TFAP4: variants seen among roughly 807,000 people sequenced by gnomAD.
TFAP4 encodes activating enhancer-binding protein 4.
A neutral mutation model predicts 40.4 loss-of-function variants in TFAP4; 7 were observed. The observed-to-expected ratio is 0.17, with a 90% confidence interval of 0.10 to 0.33. The LOEUF (loss-of-function observed/expected upper bound fraction) is 0.33. TFAP4 is among the 10% of genes least tolerant of loss of function. The pLI is 1.00. For synonymous variants in TFAP4, 218 were observed against 181.4 expected, an observed-to-expected ratio of 1.20 and a Z score of -1.62; for missense variants, 374 against 451.1, an observed-to-expected ratio of 0.83 and a Z score of 1.55.
intron 1 of TFAP4, among the ~76,000 whole-genome samples, chr16:4,268,330 C>T (rs1395493257): frequency 1.3e-5 from 2 of 152,046 alleles, no homozygotes; most frequent in Non-Finnish European, 2.9e-5. Context: ...CTCGGGAGGT[C>T]GAGGCCCAAG....
chr16:4,268,481 T>G (rs140032266), intron 1 of TFAP4, among the ~76,000 whole-genome samples: 2 of 152,192 alleles, frequency 1.3e-5, no homozygotes, highest in African/African-American at 4.8e-5. Context: ...CCCGGCAGAA[T>G]GTTGTTGCTT....
chr16:4,261,198 C>T (rs1371809493), intron 4 of TFAP4, among the ~76,000 whole-genome samples: 1 of 152,130 alleles, frequency 6.6e-6, no homozygotes, highest in Non-Finnish European at 1.5e-5. Flanking sequence ...TCTCAAACTC[C>T]TGGGCTCAAG....
intron 1 of TFAP4, among the ~76,000 whole-genome samples, chr16:4,268,809 G>C (rs1412508321): frequency 1.3e-5 from 2 of 151,974 alleles, no homozygotes; most frequent in Non-Finnish European, 2.9e-5. Flanking sequence ...GCTGAGGCTG[G>C]TCTCGAACTC....
chr16:4,265,173 C>A (rs755103638), intron 1 of TFAP4: 9 of 152,072 alleles, frequency 5.9e-5, no homozygotes, highest in Non-Finnish European at 1.2e-4. Context: ...AAGAGGGGGG[C>A]ACAGAGGTTT....
intron 1 of TFAP4, among the ~76,000 whole-genome samples, chr16:4,271,509 G>A (rs778088659): frequency 5.9e-5 from 9 of 152,244 alleles, no homozygotes; most frequent in Non-Finnish European, 1.0e-4. Context: ...CCAGCGATCA[G>A]AGTTCCAGGC....
Position 4,260,497 on chromosome 16 carries a change from G to A in TFAP4, c.624C>T (p.His208=), listed in dbSNP as rs1256500978. The A allele has an allele frequency of 3.7e-6, 6 of 1,606,584 alleles. No individual in the cohort carries two copies. Among genetic ancestry groups the A allele is most frequent in the African/African-American group, 1.3e-5 (1 of 74,702 alleles). ...QQQQEQVRLL[H]QEKLEREQQQ... is the part of the protein sequence containing the mutation. ...GCTGTTCCCGCTCCAGCTTCTCCTG[G>A]TGCAGCAGCCTCACCTGTTCCTGCT... Residue 208 remains histidine (H), a synonymous_variant, in exon 5 of 7, where the codon CAC becomes CAT. Coordinates refer to ENST00000204517, the MANE Select transcript of TFAP4 (RefSeq NM_003223.3).
chr16:4,271,948 C>T (rs1352394323), intron 1 of TFAP4, among the ~76,000 whole-genome samples: 1 of 152,146 alleles, frequency 6.6e-6, no homozygotes, highest in African/African-American at 2.4e-5. Flanking sequence ...CGCAGAGGTC[C>T]GCCTACTCCA....
rs1163573247 is a variant in TFAP4 at position 4,272,857 on chromosome 16, G to A, written c.-111C>T. 5.0e-6 allele frequency: 3 copies of A among 599,838 alleles called. No individual in the cohort carries two copies. The highest frequency in any genetic ancestry group is 4.1e-5 in the African/African-American group (2 of 49,192). 37.2% of individuals were successfully genotyped at this position (599,838 alleles called of 1,614,324 possible). The stretch of plus-strand genomic sequence containing the variant: ...CCGGACGGAGGTGCAGAATCGGCCG[G>A]TCCCAGATGCTGGCGGCGGCGGCGG... On this transcript the variant is annotated 5_prime_UTR_variant, in exon 1 of 7. Coordinates refer to ENST00000204517, the MANE Select transcript of TFAP4 (RefSeq NM_003223.3).
rs113588475 is a variant in TFAP4, at chr16:4,257,727, G to C, written c.*328C>G. 811 of 242,048 alleles carry C rather than the reference G, an allele frequency of 3.4e-3. 3 individuals are homozygous for C. The highest frequency in any genetic ancestry group is 0.017 in the African/African-American group (751 of 44,092). The allele number at this position is 242,048 out of a possible 1,614,324, so 15.0% of individuals were successfully genotyped here. A position where few individuals can be genotyped will look rare whatever the true frequency, so the allele number is the denominator to read the frequency against. On this transcript the variant is annotated 3_prime_UTR_variant, in exon 7 of 7. Coordinates refer to ENST00000204517, the MANE Select transcript of TFAP4 (RefSeq NM_003223.3). ...CCTGGGGTTTTGTTTAATTTTCCCT[G>C]TTCTTAAAAAACATATTTAAAGGAA...
intron 5 of TFAP4, 100 bp downstream of exon 5, chr16:4,260,355 G>A: frequency 1.3e-6 from 2 of 1,504,504 alleles, no homozygotes; most frequent in Non-Finnish European, 1.8e-6. Flanking sequence ...TTTATATTAA[G>A]AAGCAGAGAG....
At chr16:4,267,810 C>A (rs251740) in intron 1 of TFAP4, among the ~76,000 whole-genome samples, 35,741 of 152,224 alleles carry the variant, frequency 0.23, 4,746 homozygotes, top group East Asian at 0.62. Context: ...CTTCTCTAAC[C>A]TAATCAGCCC....
intron 1 of TFAP4, among the ~76,000 whole-genome samples, chr16:4,270,781 C>T (rs554144831): frequency 1.3e-5 from 2 of 152,326 alleles, no homozygotes; most frequent in East Asian, 3.9e-4. Context: ...CCCAACCCTG[C>T]CCAGGATCAG....
In TFAP4 at chr16:4,272,945, G is replaced by GAC; in HGVS notation, c.-200_-199insGT. On this transcript the variant is annotated 5_prime_UTR_variant, in exon 1 of 7. Coordinates refer to ENST00000204517, the MANE Select transcript of TFAP4 (RefSeq NM_003223.3). ...GAGGTCTCTCCGGCCTGCCTCCCCG[G>GAC]GCGTGTGTATGTGTGTGTGTGTGTG... The GAC allele has an allele frequency of 2.0e-6, 1 of 508,340 alleles. No individual in the cohort carries two copies. The highest frequency in any genetic ancestry group is 2.3e-5 in the African/African-American group (1 of 43,078). 31.5% of individuals were successfully genotyped at this position (508,340 alleles called of 1,614,324 possible).
At position 4,272,557 on chromosome 16, in the gene TFAP4, T is replaced by A. The variant is rs2053048140; in HGVS notation, c.89+101A>T. Reference sequence around the variant, plus strand: ...CGGCAGCTAAGAAAGGCTAGCGGGGTCGGCGGCGCGGGCCATGCGTGCGCA... The same window carrying A: ...CGGCAGCTAAGAAAGGCTAGCGGGGACGGCGGCGCGGGCCATGCGTGCGCA... On this transcript the variant is annotated intron_variant, in intron 1 of 6. Coordinates refer to ENST00000204517, the MANE Select transcript of TFAP4 (RefSeq NM_003223.3). 3 of 789,838 alleles carry A rather than the reference T, an allele frequency of 3.8e-6. No individual in the cohort carries two copies. The South Asian group carries it at 8.1e-5, about 21-fold the overall frequency. The allele number at this position is 789,838 out of a possible 1,614,324, so 48.9% of individuals were successfully genotyped here.
chr16:4,257,987 A>C lies in TFAP4; in HGVS notation c.*68T>G. On this transcript the variant is annotated 3_prime_UTR_variant, in exon 7 of 7. Transcript: ENST00000204517. ...GTAAAAATTTCTCACTCATTCGCCC[A>C]TGTCTCTCCCTGTGGCTGCCCCGGC... 1 of 1,480,228 alleles carries C rather than the reference A, an allele frequency of 6.8e-7. No homozygotes were observed. The highest frequency in any genetic ancestry group is 9.2e-7 in the Non-Finnish European group (1 of 1,091,836). 91.7% of individuals were successfully genotyped at this position (1,480,228 alleles called of 1,614,324 possible). A position where few individuals can be genotyped will look rare whatever the true frequency, so the allele number is the denominator to read the frequency against.
chr16:4,265,967 C>T (rs1185175276), intron 1 of TFAP4: 1 of 152,322 alleles, frequency 6.6e-6, no homozygotes, highest in Admixed American at 6.5e-5. Context: ...AGTGAGGTGA[C>T]TTGCCCAAGG....
chr16:4,258,280 G>A, intron 6 of TFAP4, 31 bp from the exon 7 acceptor site: 3 of 1,530,734 alleles, frequency 2.0e-6, no homozygotes, highest in Middle Eastern at 1.8e-4. Flanking sequence ...GAGAAGGCTC[G>A]GCCGGGGATA....
chr16:4,270,826 C>G (rs2053034667), intron 1 of TFAP4, among the ~76,000 whole-genome samples: 1 of 152,192 alleles, frequency 6.6e-6, no homozygotes, highest in Admixed American at 6.5e-5. Context: ...CACAGCGGCT[C>G]AACTGCACCT....
At chr16:4,272,190 A>G (rs2053045612) in intron 1 of TFAP4, among the ~76,000 whole-genome samples, 1 of 149,130 alleles carries the variant, frequency 6.7e-6, no homozygotes, top group South Asian at 2.1e-4. Context: ...CCGCGCCGGG[A>G]GCCGCGGCAT....
Sources: allele counts gnomAD v4.1 joint callset (sites outside exome capture counted in the v4.1 genomes callset), GRCh38; gene constraint gnomAD v4.1.1; transcripts MANE v1.5; gene names NCBI Gene and HGNC (gene_info 2026-07-23, HGNC 2026-07-21).